Variants in KLHL32 observed in about 807,000 individuals in gnomAD.
KLHL32 encodes kelch-like protein 32.
In KLHL32, 35 loss-of-function variants were observed where a neutral mutation model predicts 64.8. The ratio of observed to expected loss-of-function variants is 0.54; its 90% CI spans 0.41 to 0.72. KLHL32 has a LOEUF of 0.72. KLHL32 is among the 30% of genes least tolerant of loss of function. The pLI is 0.00. For missense variants in KLHL32, 589 were observed against 768.5 expected (o/e 0.77, Z 2.76); for synonymous variants, 259 against 281.0 (o/e 0.92, Z 0.78).
intron 5 of KLHL32, among the ~76,000 whole-genome samples, chr6:97,065,566 C>T (rs1789618952): frequency 6.6e-6 from 1 of 152,154 alleles, no homozygotes; most frequent in South Asian, 2.1e-4. Context: ...CCTCCCACTT[C>T]CCCCACTGGT....
chr6:96,919,954 A>G (rs1245024245), upstream of KLHL32, among the ~76,000 whole-genome samples: 1 of 152,254 alleles, frequency 6.6e-6, no homozygotes, highest in East Asian at 1.9e-4. Context: ...CCACAGGTTA[A>G]GAAAACCAAT....
intron 4 of KLHL32, among the ~76,000 whole-genome samples, chr6:97,062,174 A>G (rs1213602497): frequency 6.6e-6 from 1 of 152,196 alleles, no homozygotes; most frequent in East Asian, 1.9e-4. Flanking sequence ...ATGCTATGGA[A>G]TATTCATCTT....
intron 4 of KLHL32, among the ~76,000 whole-genome samples, chr6:97,060,512 C>T (rs752534664): frequency 2.0e-5 from 3 of 152,160 alleles, no homozygotes; most frequent in South Asian, 2.1e-4. Flanking sequence ...AGGTGGCCCA[C>T]GTCATCATGC....
chr6:97,084,220 T>G (rs1793044688), intron 5 of KLHL32, among the ~76,000 whole-genome samples: 4 of 152,334 alleles, frequency 2.6e-5, no homozygotes, highest in Admixed American at 2.6e-4. Flanking sequence ...ATTATATTAA[T>G]AATTGTAAGT....
chr6:96,951,279 G>A (rs964838318), intron 1 of KLHL32, among the ~76,000 whole-genome samples: 2 of 152,068 alleles, frequency 1.3e-5, no homozygotes, highest in African/African-American at 4.8e-5. Flanking sequence ...GAGAGGAGAT[G>A]TCAACAGCCC....
chr6:97,065,674 CATG>C (rs1582903627), intron 5 of KLHL32, among the ~76,000 whole-genome samples: 1 of 152,300 alleles, frequency 6.6e-6, no homozygotes, highest in East Asian at 1.9e-4. Flanking sequence ...GTGCATATGA[CATG>C]ATATTAGTGA....
At chr6:97,025,004 A>C in intron 3 of KLHL32, 1 of 985,318 alleles carries the variant, frequency 1.0e-6, no homozygotes, top group Non-Finnish European at 1.2e-6. Flanking sequence ...GTATACGGTC[A>C]ACCTCAGCTT....
chr6:97,138,065 T>C (rs897848139), intron 10 of KLHL32, among the ~76,000 whole-genome samples: 3 of 152,148 alleles, frequency 2.0e-5, no homozygotes, highest in African/African-American at 7.2e-5. Flanking sequence ...AATGTTTAAA[T>C]AGTTAGAGAA....
chr6:96,944,824 A>T (rs1170177445), intron 1 of KLHL32, among the ~76,000 whole-genome samples: 3 of 152,190 alleles, frequency 2.0e-5, no homozygotes, highest in Non-Finnish European at 2.9e-5. Context: ...TAAAAGAAAT[A>T]CTGTCTTCTT....
chr6:97,066,947 A>C (rs557175638), intron 5 of KLHL32, among the ~76,000 whole-genome samples: 19 of 152,338 alleles, frequency 1.2e-4, no homozygotes, highest in African/African-American at 4.3e-4. Context: ...CCTTCAATCA[A>C]TGCTGATATA....
chr6:96,984,844 T>G (rs1005800708), intron 3 of KLHL32, among the ~76,000 whole-genome samples: 1 of 152,326 alleles, frequency 6.6e-6, no homozygotes, highest in African/African-American at 2.4e-5. Context: ...AGTCTGTGTC[T>G]TTTAATTGGA....
At chr6:96,970,432 C>T (rs1175358634) in intron 2 of KLHL32, among the ~76,000 whole-genome samples, 1 of 152,168 alleles carries the variant, frequency 6.6e-6, no homozygotes. Context: ...TTGCTGTTCT[C>T]CTGCCTGGAA....
chr6:97,055,094 A>T (rs1394792488), intron 4 of KLHL32, among the ~76,000 whole-genome samples: 1 of 152,204 alleles, frequency 6.6e-6, no homozygotes, highest in Non-Finnish European at 1.5e-5. Flanking sequence ...TCAGACAGAT[A>T]CCCAATGCCA....
At chr6:96,966,858 T>C in intron 1 of KLHL32, 138 bp from the exon 2 acceptor site, 1 of 501,934 alleles carries the variant, frequency 2.0e-6, no homozygotes. Flanking sequence ...AGGAGCATTG[T>C]GTCAGAACGT....
intron 4 of KLHL32, among the ~76,000 whole-genome samples, chr6:97,056,088 TTTTTTTTCTTTTTTTTTC>T (rs1787823766): frequency 7.6e-6 from 1 of 131,170 alleles, no homozygotes; most frequent in African/African-American, 3.3e-5. Flanking sequence ...TCCCTTTTCT[TTTTTTTTCTTTTTTTTTC>T]TTTTTTTTTT....
At chr6:97,046,025 A>C (rs1258505702) in intron 4 of KLHL32, among the ~76,000 whole-genome samples, 1 of 152,196 alleles carries the variant, frequency 6.6e-6, no homozygotes, top group East Asian at 1.9e-4. Flanking sequence ...CTGGGGTTGC[A>C]ATTATTCTGT....
intron 3 of KLHL32, among the ~76,000 whole-genome samples, chr6:97,001,003 G>T (rs958711841): frequency 2.0e-5 from 3 of 152,158 alleles, no homozygotes; most frequent in Non-Finnish European, 2.9e-5. Context: ...ACAATAAAAG[G>T]TCAGTGTTTG....
intron 5 of KLHL32, among the ~76,000 whole-genome samples, chr6:97,076,194 T>G (rs1327048752): frequency 6.6e-6 from 1 of 152,174 alleles, no homozygotes; most frequent in East Asian, 1.9e-4. Flanking sequence ...ATTTTTTGAG[T>G]ACAAAAGAAA....
At chr6:97,058,393 A>G (rs1788354484) in intron 4 of KLHL32, among the ~76,000 whole-genome samples, 3 of 152,240 alleles carry the variant, frequency 2.0e-5, no homozygotes, top group Admixed American at 2.0e-4. Flanking sequence ...CTTTCCATTT[A>G]TTTAGTTTTT....
Sources: gnomAD v4.1 joint callset for allele counts (sites outside exome capture counted in the v4.1 genomes callset) on GRCh38, gnomAD v4.1.1 for gene constraint, MANE v1.5 for transcripts, NCBI Gene and HGNC (gene_info 2026-07-23, HGNC 2026-07-21) for gene names.